Variants in ASIC2 observed in about 807,000 individuals in gnomAD.
The protein encoded by ASIC2 is acid-sensing ion channel 2.
In ASIC2, 25 loss-of-function variants were observed where a neutral mutation model predicts 57.3. The observed-to-expected ratio is 0.44, with a 90% CI of 0.32 to 0.61. ASIC2 has a LOEUF of 0.61. ASIC2 is among the 20% of genes least tolerant of loss of function. The pLI is 0.06. For missense variants in ASIC2, 641 were observed against 738.1 expected (o/e 0.87, Z 1.52); for synonymous variants, 319 against 307.5 (o/e 1.04, Z -0.39).
intron 1 of ASIC2, among the ~76,000 whole-genome samples, chr17:33,645,184 C>T (rs1298225754): frequency 5.9e-5 from 9 of 152,084 alleles, no homozygotes; most frequent in Non-Finnish European, 1.3e-4. Flanking sequence ...ATGAGCAAAA[C>T]GTTAGATGCA....
intron 1 of ASIC2, among the ~76,000 whole-genome samples, chr17:33,432,486 T>C (rs1911454763): frequency 6.6e-6 from 1 of 152,210 alleles, no homozygotes; most frequent in Non-Finnish European, 1.5e-5. Context: ...CCATGATCCC[T>C]ACACTGCCTT....
At chr17:33,131,508 T>A (rs1186387936) in intron 1 of ASIC2, 1 of 152,242 alleles carries the variant, frequency 6.6e-6, no homozygotes, top group Non-Finnish European at 1.5e-5. Flanking sequence ...TCCTAGCCCC[T>A]GAGCCAGTCC....
Position 33,013,677 on chromosome 17 carries a change from C to G in ASIC2, c.*288G>C. On this transcript the variant is annotated 3_prime_UTR_variant, in exon 10 of 10. Transcript: ENST00000225823. ...GAGGTGGCGCCACAAGAAGTCTGAGCATGCAGGTGCTTTATACATCTGGCA... is the reference window on the plus strand; with the variant it reads ...GAGGTGGCGCCACAAGAAGTCTGAGGATGCAGGTGCTTTATACATCTGGCA... The G allele has an allele frequency of 2.3e-6, 1 of 431,536 alleles. No individual in the cohort carries two copies. 26.7% of individuals were successfully genotyped at this position (431,536 alleles called of 1,614,324 possible). A position where few individuals can be genotyped will look rare whatever the true frequency, so the allele number is the denominator to read the frequency against.
chr17:33,984,652 T>A (rs573142926), intron 1 of ASIC2, among the ~76,000 whole-genome samples: 1 of 152,204 alleles, frequency 6.6e-6, no homozygotes, highest in African/African-American at 2.4e-5. Flanking sequence ...GAACAGTGCC[T>A]TTGCACTGCA....
intron 1 of ASIC2, among the ~76,000 whole-genome samples, chr17:33,625,173 A>G (rs1048636568): frequency 2.0e-5 from 3 of 148,746 alleles, no homozygotes; most frequent in African/African-American, 4.9e-5. Context: ...CTATCTATCT[A>G]TCATCTATTA....
At chr17:33,158,044 A>C (rs1372416035) in intron 1 of ASIC2, among the ~76,000 whole-genome samples, 1 of 151,862 alleles carries the variant, frequency 6.6e-6, no homozygotes, top group Non-Finnish European at 1.5e-5. Flanking sequence ...TTTCAGGGTG[A>C]CTCTAATGTC....
chr17:33,954,760 G>C (rs150823801), intron 1 of ASIC2, among the ~76,000 whole-genome samples: 91 of 152,310 alleles, frequency 6.0e-4, no homozygotes, highest in Admixed American at 1.6e-3. Context: ...CCTCATTTCT[G>C]AGAGGAAATG....
chr17:33,850,518 C>A (rs562815468), intron 1 of ASIC2, among the ~76,000 whole-genome samples: 34 of 152,234 alleles, frequency 2.2e-4, no homozygotes, highest in Non-Finnish European at 3.5e-4. Context: ...AGGGAGCCAA[C>A]AATAGCAAAT....
chr17:33,126,265 G>T (rs936541859), intron 1 of ASIC2, among the ~76,000 whole-genome samples: 2 of 152,236 alleles, frequency 1.3e-5, no homozygotes, highest in African/African-American at 4.8e-5. Context: ...CCAGTTCTAT[G>T]GGGCCTGAGT....
At chr17:33,807,971 C>T (rs1052123481) in intron 1 of ASIC2, among the ~76,000 whole-genome samples, 2 of 152,172 alleles carry the variant, frequency 1.3e-5, no homozygotes, top group Non-Finnish European at 2.9e-5. Context: ...ATATTTTTCT[C>T]CCAGTATGTG....
intron 1 of ASIC2, among the ~76,000 whole-genome samples, chr17:33,966,878 C>G (rs1905089919): frequency 6.6e-6 from 1 of 152,190 alleles, no homozygotes; most frequent in Non-Finnish European, 1.5e-5. Flanking sequence ...TCTGGTACAT[C>G]AGTCGTTTCC....
chr17:33,453,912 C>T (rs148129046), intron 1 of ASIC2, among the ~76,000 whole-genome samples: 1 of 152,284 alleles, frequency 6.6e-6, no homozygotes, highest in African/African-American at 2.4e-5. Context: ...TCTTCTTTCA[C>T]TCGAGGTAAT....
chr17:33,932,790 AT>A (rs920706536), intron 1 of ASIC2: 1 of 134,710 alleles, frequency 7.4e-6, no homozygotes, highest in African/African-American at 2.8e-5. Flanking sequence ...CCCCTGTTTT[AT>A]TTTTAAAATA....
intron 5 of ASIC2, among the ~76,000 whole-genome samples, chr17:33,024,615 G>A (rs2091851758): frequency 6.6e-6 from 1 of 152,174 alleles, no homozygotes; most frequent in South Asian, 2.1e-4. Context: ...AACTTAGCCA[G>A]GCTCTTCAGA....
At chr17:33,925,349 A>T (rs374636154) in intron 1 of ASIC2, among the ~76,000 whole-genome samples, 5 of 152,386 alleles carry the variant, frequency 3.3e-5, no homozygotes, top group African/African-American at 1.2e-4. Context: ...AGGGAAGGCC[A>T]ATGGTAACCC....
intron 7 of ASIC2, among the ~76,000 whole-genome samples, chr17:33,020,149 G>C (rs2091829282): frequency 6.6e-6 from 1 of 152,130 alleles, no homozygotes; most frequent in Non-Finnish European, 1.5e-5. Flanking sequence ...GTGTAGAAAT[G>C]CTTAGCCAGC....
intron 1 of ASIC2, among the ~76,000 whole-genome samples, chr17:33,168,970 G>C (rs997351154): frequency 7.9e-5 from 12 of 152,154 alleles, no homozygotes; most frequent in South Asian, 2.1e-4. Flanking sequence ...GACCCCAAAG[G>C]CATTTCAGAA....
intron 2 of ASIC2, among the ~76,000 whole-genome samples, chr17:33,106,617 C>T (rs1038036112): frequency 2.5e-4 from 38 of 152,196 alleles, no homozygotes; most frequent in African/African-American, 8.7e-4. Context: ...TTGGGAGTGC[C>T]TTCTGCAACC....
At chr17:33,615,269 G>T (rs145990009) in intron 1 of ASIC2, among the ~76,000 whole-genome samples, 1 of 152,134 alleles carries the variant, frequency 6.6e-6, no homozygotes, top group East Asian at 1.9e-4. Context: ...CATAAAAATT[G>T]TGATAACTTG....
Sources: gnomAD v4.1 joint callset for allele counts (sites outside exome capture counted in the v4.1 genomes callset) on GRCh38, gnomAD v4.1.1 for gene constraint, MANE v1.5 for transcripts, NCBI Gene and HGNC (gene_info 2026-07-23, HGNC 2026-07-21) for gene names.